The following ZNF528 variants were observed in gnomAD, a reference collection of about 807,000 sequenced individuals.
ZNF528 encodes zinc finger protein 528.
ZNF528 carries 9 observed loss-of-function variants against 13.3 expected under a neutral mutation model. The ratio of observed to expected loss-of-function variants is 0.67; its 90% CI spans 0.41 to 1.18. The LOEUF is 1.18. Ranked by LOEUF, ZNF528 falls within the 50% of genes most tolerant of loss-of-function variation. ZNF528 has a pLI of 0.01. For missense variants in ZNF528, 858 were observed against 745.4 expected (o/e 1.15, Z -1.76); for synonymous variants, 264 against 254.3 (o/e 1.04, Z -0.36).
rs1304682506 is a variant in ZNF528, at chr19:52,415,814, G to A, written c.962G>A (p.Gly321Glu). The A allele has an allele frequency of 6.2e-7, 1 of 1,613,918 alleles. No homozygotes were observed. Among genetic ancestry groups the A allele is most frequent in the Non-Finnish European group, 8.5e-7 (1 of 1,180,002 alleles). Residue 321 changes from glycine to glutamate, a missense_variant, in exon 7 of 7, where the codon GGA becomes GAA. By Grantham distance (98) the Gly-to-Glu change is moderately conservative. Transcript: ENST00000360465. ...GTACGACATCAAAAAATTCATACTGGAGAGAAACCTTACAGTTGTAATAAA... is the reference window on the plus strand; with the variant it reads ...GTACGACATCAAAAAATTCATACTGAAGAGAAACCTTACAGTTGTAATAAA... The part of the protein sequence containing the change: ...HLVRHQKIHT[G>E]EKPYSCNKCG...
chr19:52,414,873 T>C (rs1290405987), intron 6 of ZNF528: 7 of 1,340,608 alleles, frequency 5.2e-6, no homozygotes, highest in East Asian at 3.2e-5. Context: ...AAGTTTTCAG[T>C]CTCTGTTGTA....
chr19:52,417,008 A>G lies in ZNF528; in HGVS notation c.*269A>G. The stretch of plus-strand genomic sequence containing the variant: ...AAGTAACTCTGTCTCTGGTTCTCTG[A>G]TACTAATCTATGATATTGCATGATG... On this transcript the variant is annotated 3_prime_UTR_variant, in exon 7 of 7. Transcript: ENST00000360465. 2 of 426,912 alleles carry G rather than the reference A, an allele frequency of 4.7e-6. No homozygotes were observed. Among genetic ancestry groups the G allele is most frequent in the Non-Finnish European group, 8.4e-6 (2 of 237,226 alleles). The allele number at this position is 426,912 out of a possible 1,614,324, so 26.4% of individuals were successfully genotyped here.
intron 4 of ZNF528, among the ~76,000 whole-genome samples, chr19:52,405,602 A>G (rs570783644): frequency 2.0e-5 from 3 of 152,310 alleles, no homozygotes; most frequent in African/African-American, 7.2e-5. Context: ...TCAGGTAGAT[A>G]CTGGATATCA....
At position 52,406,569 on chromosome 19, in the gene ZNF528, C is replaced by T. The variant is rs764681525; in HGVS notation, c.197C>T (p.Pro66Leu). Residue 66 changes from proline (P) to leucine (L), a missense_variant, in exon 6 of 7, where the codon CCC (proline) becomes CTC (leucine). Transcript: ENST00000360465. ...VTSMLEQKRDPWTLQSEEKIA... is the reference protein window; with the variant it reads ...VTSMLEQKRDLWTLQSEEKIA... ...TCCATGTTAGAGCAAAAGAGAGATC[C>T]CTGGACTCTGCAGAGTGAAGAGAAA... 1 of 1,614,004 alleles carries T rather than the reference C, an allele frequency of 6.2e-7. No individual in the cohort carries two copies. Among genetic ancestry groups the T allele is most frequent in the Non-Finnish European group, 8.5e-7 (1 of 1,180,002 alleles).
rs2058988873 is a variant in ZNF528 at position 52,415,532 on chromosome 19, A to G, written c.680A>G (p.Lys227Arg). ...ECGKVFSCSS[K>R]LVIHRRMHTG... ...GGCAAGGTCTTTAGTTGCAGTTCAA[A>G]GCTTGTGATACATCGAAGAATGCAT... Residue 227 changes from lysine (K) to arginine (R), a missense_variant, in exon 7 of 7, where the codon AAG becomes AGG. Lys to Arg is a conservative substitution (Grantham distance 26, BLOSUM62 2). Coordinates refer to ENST00000360465, the MANE Select transcript of ZNF528 (RefSeq NM_032423.3). 6.2e-7 allele frequency: 1 copy of G among 1,614,086 alleles called. No individual in the cohort carries two copies. The highest frequency in any genetic ancestry group is 1.3e-5 in the African/African-American group (1 of 74,942).
Position 52,405,937 on chromosome 19 carries a change from G to A in ZNF528, c.46G>A (p.Glu16Lys). 6.2e-7 allele frequency: 1 copy of A among 1,611,674 alleles called. No homozygotes were observed. The highest frequency in any genetic ancestry group is 8.5e-7 in the Non-Finnish European group (1 of 1,178,320). ...CTTGAAATTCATGGATGTGGCCATA[G>A]AGTTCTCTCAGGAAGAGTGGAAATG... The part of the protein sequence containing the change: ...GPLKFMDVAI[E>K]FSQEEWKCLD... Residue 16 changes from glutamate to lysine, a missense_variant, in exon 5 of 7, where the codon GAG becomes AAG. Glu to Lys is a moderately conservative substitution (Grantham distance 56). Coordinates refer to ENST00000360465, the MANE Select transcript of ZNF528 (RefSeq NM_032423.3).
At chr19:52,402,907 T>C (rs1212716739) in intron 4 of ZNF528, among the ~76,000 whole-genome samples, 3 of 152,246 alleles carry the variant, frequency 2.0e-5, no homozygotes, top group African/African-American at 7.2e-5. Flanking sequence ...GATGTGTGCC[T>C]ATAATTCTAG....
chr19:52,416,202 A>G lies in ZNF528; in HGVS notation c.1350A>G (p.Ser450=). 6.2e-7 allele frequency: 1 copy of G among 1,613,658 alleles called. No individual in the cohort carries two copies. Among genetic ancestry groups the G allele is most frequent in the Non-Finnish European group, 8.5e-7 (1 of 1,179,830 alleles). ...GTGGCACAGCGTTTAGAGAGTTTTC[A>G]GACCTTACTGCCCATTTTCTAATCC... ...NKCGTAFREF[S]DLTAHFLIHS... The change falls in exon 7 of 7, where the codon TCA becomes TCG. Residue 450 remains serine (S), a synonymous_variant. Coordinates refer to ENST00000360465, the MANE Select transcript of ZNF528 (RefSeq NM_032423.3).
intron 2 of ZNF528, among the ~76,000 whole-genome samples, chr19:52,400,433 C>T (rs976532097): frequency 3.3e-5 from 5 of 152,128 alleles, no homozygotes; most frequent in Admixed American, 3.3e-4. Context: ...TTGACCCCAT[C>T]CAATCAGGTT....
rs2059021158 is a variant in ZNF528, at chr19:52,417,971, A to G, written c.*1232A>G. On this transcript the variant is annotated 3_prime_UTR_variant, in exon 7 of 7. Transcript: ENST00000360465. ...TATCACAGTTGAGAGTTTAATCAAA[A>G]TGACCGGATCAGCATATTCTTTTTT... 6.6e-6 allele frequency: 1 copy of G among 152,064 alleles called. No homozygotes were observed. The highest frequency in any genetic ancestry group is 2.4e-5 in the African/African-American group (1 of 41,400). 9.4% of individuals were successfully genotyped at this position (152,064 alleles called of 1,614,324 possible). A position where few individuals can be genotyped will look rare whatever the true frequency, so the allele number is the denominator to read the frequency against.
At chr19:52,401,314 G>T (rs536130513) in intron 2 of ZNF528, among the ~76,000 whole-genome samples, 8 of 152,216 alleles carry the variant, frequency 5.3e-5, no homozygotes, top group African/African-American at 1.9e-4. Flanking sequence ...TCTACTTTCT[G>T]GGGATTAACT....
chr19:52,403,363 A>T (rs1385182672), intron 4 of ZNF528, among the ~76,000 whole-genome samples: 1 of 152,122 alleles, frequency 6.6e-6, no homozygotes, highest in African/African-American at 2.4e-5. Context: ...GATGAAAAAT[A>T]TGTAAAAAAT....
rs540423508 is a variant in ZNF528, at chr19:52,410,608, A to G, written c.271+3965A>G. 9.1e-4 allele frequency among the ~76,000 whole-genome samples: 139 copies of G among 152,272 alleles called. 1 individual carries two copies. Among genetic ancestry groups the G allele is most frequent in the African/African-American group, 3.1e-3 (130 of 41,544 alleles). ...ATGTCTCTCAGGCCATCGGCTCCCT[A>G]CATCTCCCCTTTGTGTTTATGTATT... On this transcript the variant is annotated intron_variant, in intron 6 of 6. Transcript: ENST00000360465.
At position 52,415,432 on chromosome 19, in the gene ZNF528, G is replaced by A; in HGVS notation, c.580G>A (p.Val194Ile). 1 of 1,614,196 alleles carries A rather than the reference G, an allele frequency of 6.2e-7. No homozygotes were observed. Among genetic ancestry groups the A allele is most frequent in the Non-Finnish European group, 8.5e-7 (1 of 1,180,042 alleles). The change falls in exon 7 of 7, where the codon GTC becomes ATC. Residue 194 changes from valine (V) to isoleucine (I), a missense_variant. Coordinates refer to ENST00000360465, the MANE Select transcript of ZNF528 (RefSeq NM_032423.3). ...TTATAAATGTAATGAGCACGGCCAA[G>A]TCTTTAGAGCATCTGCAAGCCTTAC... ...KAYKCNEHGQ[V>I]FRASASLTNQ...
intron 6 of ZNF528, chr19:52,414,167 C>T (rs1034037602): frequency 7.1e-6 from 5 of 701,744 alleles, no homozygotes; most frequent in Admixed American, 6.0e-5. Context: ...TGCCAGCCGA[C>T]TCATCCAGGT....
chr19:52,400,689 G>GA (rs1383939237), intron 2 of ZNF528, among the ~76,000 whole-genome samples: 25 of 151,038 alleles, frequency 1.7e-4, no homozygotes, highest in Middle Eastern at 3.4e-3. Context: ...GTGGCTGATT[G>GA]AAAAAAAAAT....
rs2058755975 is a variant in ZNF528, at chr19:52,398,608, G to A, written c.-148G>A. 2.0e-6 allele frequency: 2 copies of A among 985,378 alleles called. No individual in the cohort carries two copies. Among genetic ancestry groups the A allele is most frequent in the Non-Finnish European group, 1.2e-6 (1 of 829,978 alleles). 61.0% of individuals were successfully genotyped at this position (985,378 alleles called of 1,614,324 possible). On this transcript the variant is annotated 5_prime_UTR_variant, in exon 2 of 7. Transcript: ENST00000360465. ...AGAATGAGAGACCCATTAACAGAAG[G>A]CAAAGTAGAAGGTGAGTGAGGGGTT...
rs1339694639 is a variant in ZNF528, at chr19:52,415,456, A to G, written c.604A>G (p.Thr202Ala). 6.2e-7 allele frequency: 1 copy of G among 1,614,232 alleles called. No homozygotes were observed. Among genetic ancestry groups the G allele is most frequent in the Admixed American group, 1.7e-5 (1 of 60,030 alleles). Residue 202 changes from threonine (T) to alanine (A), a missense_variant, in exon 7 of 7, where the codon ACT becomes GCT. Physicochemically the swap from Thr to Ala is moderately conservative, Grantham distance 58. Transcript: ENST00000360465. Reference protein sequence around the residue: ...GQVFRASASLTNQVIHNADNP... With the variant: ...GQVFRASASLANQVIHNADNP... ...AGTCTTTAGAGCATCTGCAAGCCTTACTAACCAAGTAATCCATAACGCAGA... is the reference window on the plus strand; with the variant it reads ...AGTCTTTAGAGCATCTGCAAGCCTTGCTAACCAAGTAATCCATAACGCAGA...
chr19:52,406,439 CCTCT>C (rs925536708), intron 5 of ZNF528, 72 bp from the exon 6 acceptor site: 8 of 1,543,808 alleles, frequency 5.2e-6, no homozygotes, highest in Non-Finnish European at 6.1e-6. Flanking sequence ...ATTATAATAT[CCTCT>C]CTCCTCCCTA....
Sources: allele counts gnomAD v4.1 joint callset (sites outside exome capture counted in the v4.1 genomes callset), GRCh38; gene constraint gnomAD v4.1.1; transcripts MANE v1.5; gene names NCBI Gene and HGNC (gene_info 2026-07-23, HGNC 2026-07-21).